The following RNASEH2B variants were observed in gnomAD, a reference collection of about 807,000 sequenced individuals.
The protein encoded by RNASEH2B is Aicardi-Goutieres syndrome 2 protein.
Under a neutral mutation model 45.0 loss-of-function variants are expected in RNASEH2B, and 36 were observed. The ratio of observed to expected loss-of-function variants is 0.80; its 90% confidence interval spans 0.61 to 1.06. The LOEUF (loss-of-function observed/expected upper bound fraction) is 1.06. RNASEH2B is among the 50% of genes least tolerant of loss of function. The pLI, the probability that RNASEH2B is intolerant of heterozygous loss-of-function variation, is 0.00. For synonymous variants in RNASEH2B, 119 were observed against 125.7 expected, an observed-to-expected ratio of 0.95 and a Z score of 0.35; for missense variants, 361 against 360.3, an observed-to-expected ratio of 1.00 and a Z score of -0.02.
At chr13:50,962,923 C>G (rs1001041708) in intron 9 of RNASEH2B, among the ~76,000 whole-genome samples, 2 of 151,982 alleles carry the variant, frequency 1.3e-5, no homozygotes, top group Non-Finnish European at 2.9e-5. Context: ...TTTTTCCATT[C>G]TTTCCTCCCT....
chr13:50,956,895 G>T, downstream of RNASEH2B: 1 of 354,522 alleles, frequency 2.8e-6, no homozygotes, highest in Non-Finnish European at 3.9e-6. Flanking sequence ...TTTAGTTTTT[G>T]GTAAATTTTT....
chr13:50,930,763 A>T lies in RNASEH2B; in HGVS notation c.321+4A>T. 1 of 1,608,784 alleles carries T rather than the reference A, an allele frequency of 6.2e-7. No homozygotes were observed. ...CCTCATAAAGGCTGATAAGGAGGTG[A>T]GTTTCCAGCTCGGAGCATCCACAGT... On this transcript the variant is annotated splice_donor_region_variant and intron_variant, in intron 4 of 10. Coordinates refer to ENST00000336617, the MANE Select transcript of RNASEH2B (RefSeq NM_024570.4).
chr13:50,923,199 A>G (rs1951546901), intron 1 of RNASEH2B, among the ~76,000 whole-genome samples: 1 of 152,168 alleles, frequency 6.6e-6, no homozygotes, highest in East Asian at 1.9e-4. Context: ...GACACCATCA[A>G]GCCTACTATT....
intron 9 of RNASEH2B, among the ~76,000 whole-genome samples, chr13:50,964,724 A>G (rs1484213381): frequency 6.6e-6 from 1 of 152,188 alleles, no homozygotes; most frequent in Non-Finnish European, 1.5e-5. Context: ...TTTCCAGCAA[A>G]GTCGAGATCT....
Position 50,909,933 on chromosome 13 carries a change from G to A in RNASEH2B, c.-144G>A. 1.7e-6 allele frequency: 1 copy of A among 580,042 alleles called. No individual in the cohort carries two copies. The highest frequency in any genetic ancestry group is 4.2e-5 in the Admixed American group (1 of 23,636). The allele number at this position is 580,042 out of a possible 1,614,324, so 35.9% of individuals were successfully genotyped here. ...GGTCTCGGAAACGAAACGAAATTCGGTCCCTGGGCCTCCTCCCGGGCGCTG... is the reference window on the plus strand; with the variant it reads ...GGTCTCGGAAACGAAACGAAATTCGATCCCTGGGCCTCCTCCCGGGCGCTG... On this transcript the variant is annotated 5_prime_UTR_variant, in exon 1 of 11. Coordinates refer to ENST00000336617, the MANE Select transcript of RNASEH2B (RefSeq NM_024570.4).
intron 7 of RNASEH2B, among the ~76,000 whole-genome samples, chr13:50,947,036 T>C (rs971528132): frequency 6.6e-6 from 1 of 152,142 alleles, no homozygotes; most frequent in African/African-American, 2.4e-5. Flanking sequence ...CGGCAGTCAT[T>C]TTCTATGTAA....
At chr13:50,969,197 A>G (rs1319800569) in intron 9 of RNASEH2B, among the ~76,000 whole-genome samples, 1 of 152,184 alleles carries the variant, frequency 6.6e-6, no homozygotes, top group Non-Finnish European at 1.5e-5. Context: ...GCCAGGGCCT[A>G]TGGAAAAAGC....
intron 1 of RNASEH2B, among the ~76,000 whole-genome samples, chr13:50,920,124 G>A (rs1951502902): frequency 6.6e-6 from 1 of 152,038 alleles, no homozygotes; most frequent in Non-Finnish European, 1.5e-5. Context: ...ACTGCCTCCT[G>A]GGTTCAAGTG....
intron 9 of RNASEH2B, 51 bp from the exon 10 acceptor site, chr13:50,953,854 A>G: frequency 8.3e-7 from 1 of 1,198,292 alleles, no homozygotes; most frequent in Non-Finnish European, 1.2e-6. Flanking sequence ...TAATGGATTG[A>G]TGTTGTGTCA....
At chr13:50,916,972 T>C (rs1236293010) in intron 1 of RNASEH2B, among the ~76,000 whole-genome samples, 1 of 152,176 alleles carries the variant, frequency 6.6e-6, no homozygotes, top group Non-Finnish European at 1.5e-5. Context: ...TCAAACTAAC[T>C]TCCTGCATTT....
At position 50,930,649 on chromosome 13, in the gene RNASEH2B, G is replaced by A. The variant is rs750291347; in HGVS notation, c.245-34G>A. 8.1e-6 allele frequency: 12 copies of A among 1,488,064 alleles called. No homozygotes were observed. In the South Asian group the frequency reaches 9.0e-5, roughly 11 times the overall value. 92.2% of individuals were successfully genotyped at this position (1,488,064 alleles called of 1,614,324 possible). ...AATAGCCACATTGTCTTTCCAAGAC[G>A]TTTAATTCCCTTCATCCTTTTTGTA... is the stretch of plus-strand genomic sequence containing the variant. On this transcript the variant is annotated intron_variant, in intron 3 of 10. Coordinates refer to ENST00000336617, the MANE Select transcript of RNASEH2B (RefSeq NM_024570.4).
chr13:50,935,061 C>A, intron 5 of RNASEH2B, 62 bp downstream of exon 5: 2 of 1,043,056 alleles, frequency 1.9e-6, no homozygotes, highest in Non-Finnish European at 3.0e-6. Flanking sequence ...AAGAACGTGG[C>A]TGCTTACAGA....
chr13:50,956,047 C>A, intron 10 of RNASEH2B: 2 of 270,552 alleles, frequency 7.4e-6, no homozygotes. Context: ...GTGTCAGTTC[C>A]ATTGTTTGTG....
chr13:50,961,540 A>AT (rs1334711656), downstream of RNASEH2B, among the ~76,000 whole-genome samples: 11 of 152,094 alleles, frequency 7.2e-5, no homozygotes, highest in Non-Finnish European at 1.6e-4. Flanking sequence ...TCTTTAATAC[A>AT]TTCCTGCTTC....
At chr13:50,944,976 A>G (rs78505134) in intron 6 of RNASEH2B, among the ~76,000 whole-genome samples, 34 of 152,352 alleles carry the variant, frequency 2.2e-4, no homozygotes, top group African/African-American at 6.5e-4. Flanking sequence ...AAGTTATTAC[A>G]TATAAATTTT....
chr13:50,933,499 T>C (rs1951708212), intron 4 of RNASEH2B, among the ~76,000 whole-genome samples: 1 of 152,244 alleles, frequency 6.6e-6, no homozygotes, highest in African/African-American at 2.4e-5. Context: ...ATTTTAGACA[T>C]GATCATTTCC....
chr13:50,936,274 T>A (rs1274827523), intron 5 of RNASEH2B: 1 of 152,100 alleles, frequency 6.6e-6, no homozygotes, highest in African/African-American at 2.4e-5. Context: ...AGTTTCAGGG[T>A]TAATATGGAA....
Position 50,930,705 on chromosome 13 carries a change from A to AC in RNASEH2B, c.269dup (p.Val91CysfsTer15), listed in dbSNP as rs781518432. On this transcript the variant is annotated frameshift_variant, in exon 4 of 11. Coordinates refer to ENST00000336617, the MANE Select transcript of RNASEH2B (RefSeq NM_024570.4). LOFTEE classifies it high-confidence loss of function. ...CAGGAGGTCTTCTCCATTTTGCCAC[A>AC]CCTGTGGATCCTCTATTTCTGCTTC... The AC allele has an allele frequency of 6.2e-7, 1 of 1,613,792 alleles. No homozygotes were observed. The highest frequency in any genetic ancestry group is 8.5e-7 in the Non-Finnish European group (1 of 1,179,722).
chr13:50,932,980 A>C (rs1951700833), intron 4 of RNASEH2B, among the ~76,000 whole-genome samples: 1 of 152,106 alleles, frequency 6.6e-6, no homozygotes, highest in Admixed American at 6.5e-5. Context: ...TCGTTTAATC[A>C]TGTGTCCCAT....
Sources: allele counts gnomAD v4.1 joint callset (sites outside exome capture counted in the v4.1 genomes callset), GRCh38; gene constraint gnomAD v4.1.1; transcripts MANE v1.5; gene names NCBI Gene and HGNC (gene_info 2026-07-23, HGNC 2026-07-21).